Variants in COX18 observed in about 807,000 individuals in gnomAD.
COX18 encodes the protein cytochrome c oxidase assembly protein COX18, mitochondrial.
Under a neutral mutation model 38.0 loss-of-function variants are expected in COX18, and 45 were observed. The ratio of observed to expected loss-of-function variants is 1.18; its 90% confidence interval spans 0.93 to 1.52. COX18 has a LOEUF of 1.52. Ranked by LOEUF, COX18 falls within the 40% of genes most tolerant of loss-of-function variation. The probability of loss-of-function intolerance (pLI) is 0.00; values close to 1 mark genes in which losing one functional copy is unlikely to be tolerated. For synonymous variants in COX18, 177 were observed against 169.8 expected, an observed-to-expected ratio of 1.04 and a Z score of -0.33; for missense variants, 462 against 423.8, an observed-to-expected ratio of 1.09 and a Z score of -0.79.
At chr4:73,064,999 G>T in intron 3 of COX18, 97 bp from the exon 4 acceptor site, 1 of 1,210,496 alleles carries the variant, frequency 8.3e-7, no homozygotes, top group Non-Finnish European at 1.2e-6. Flanking sequence ...CCAATAAGGT[G>T]TCCCTCACAG....
chr4:73,060,539 T>C (rs1181126355), intron 5 of COX18, among the ~76,000 whole-genome samples: 1 of 152,146 alleles, frequency 6.6e-6, no homozygotes, highest in African/African-American at 2.4e-5. Flanking sequence ...AGTAACAGCC[T>C]AAAAAATAGA....
chr4:73,065,716 A>G (rs1297140601), intron 2 of COX18, among the ~76,000 whole-genome samples: 1 of 152,228 alleles, frequency 6.6e-6, no homozygotes, highest in African/African-American at 2.4e-5. Flanking sequence ...CTGACATGGT[A>G]TAACTACAAT....
chr4:73,062,046 C>A (rs1037604719), intron 4 of COX18, 126 bp from the exon 5 acceptor site: 1 of 573,312 alleles, frequency 1.7e-6, no homozygotes, highest in African/African-American at 1.9e-5. Flanking sequence ...TATATATATA[C>A]ACACAAAACA....
chr4:73,061,937 T>G lies in COX18; in HGVS notation c.724-17A>C, dbSNP rs1213350854. 4.0e-6 allele frequency: 5 copies of G among 1,251,284 alleles called. No individual in the cohort carries two copies. The African/African-American group carries it at 4.5e-5, about 11-fold the overall frequency. The allele number at this position is 1,251,284 out of a possible 1,614,324, so 77.5% of individuals were successfully genotyped here. The stretch of plus-strand genomic sequence containing the variant: ...AGCACAAATCTGAAGGGGTAGAACA[T>G]ATACATGCATAATGATTATTAAAAC... On this transcript the variant is annotated splice_polypyrimidine_tract_variant and intron_variant, in intron 4 of 5. Transcript: ENST00000507544.
Position 73,054,922 on chromosome 4 carries a change from T to G in COX18, c.*3192A>C, listed in dbSNP as rs1391594062. The G allele has an allele frequency of 1.3e-5, 2 of 152,210 alleles. No homozygotes were observed. Among genetic ancestry groups the G allele is most frequent in the Non-Finnish European group, 2.9e-5 (2 of 68,026 alleles). The allele number at this position is 152,210 out of a possible 1,614,324, so 9.4% of individuals were successfully genotyped here. A position where few individuals can be genotyped will look rare whatever the true frequency, so the allele number is the denominator to read the frequency against. On this transcript the variant is annotated 3_prime_UTR_variant, in exon 6 of 6. Coordinates refer to ENST00000507544, the MANE Select transcript of COX18 (RefSeq NM_001297732.2). ...TGAGCATACAAAAGACACTTAACTCTGCAGATTCCGCTGGATGTCAGGGAT... is the reference window on the plus strand; with the variant it reads ...TGAGCATACAAAAGACACTTAACTCGGCAGATTCCGCTGGATGTCAGGGAT...
chr4:73,063,105 G>C (rs1255424262), intron 4 of COX18, among the ~76,000 whole-genome samples: 3 of 152,104 alleles, frequency 2.0e-5, no homozygotes, highest in South Asian at 2.1e-4. Context: ...AGGAGTTCCA[G>C]ACCAGCCTGG....
rs1281689301 is a variant in COX18, at chr4:73,055,630, T to C, written c.*2484A>G. The C allele has an allele frequency of 6.6e-6, 1 of 152,146 alleles. No individual in the cohort carries two copies. The allele number at this position is 152,146 out of a possible 1,614,324, so 9.4% of individuals were successfully genotyped here. ...GAAATTAGGAAGAGATGGGACTAAG[T>C]AGACTCAAAAAGGATACATGTTTAC... On this transcript the variant is annotated 3_prime_UTR_variant, in exon 6 of 6. Transcript: ENST00000507544.
In COX18 at chr4:73,061,884, G is replaced by A. The variant is rs544402662; in HGVS notation, c.760C>T (p.Gln254Ter). ...CGGACAAAGTACGTAATATACGTCT[G>A]AAAACGAGACATTCCAATTTTTTGT... ...ALQKIGMSRF[Q>*]TYITYFVRAM... The change falls in exon 5 of 6, where the codon CAG becomes TAG. Residue 254 changes from glutamine to a stop codon, truncating the protein, a stop_gained. Transcript: ENST00000507544. LOFTEE classifies it high-confidence loss of function. 3 of 1,613,274 alleles carry A rather than the reference G, an allele frequency of 1.9e-6. No homozygotes were observed. The highest frequency in any genetic ancestry group is 2.2e-5 in the East Asian group (1 of 44,882).
At chr4:73,066,665 C>T (rs1017327196) in intron 2 of COX18, among the ~76,000 whole-genome samples, 2 of 152,218 alleles carry the variant, frequency 1.3e-5, no homozygotes, top group Non-Finnish European at 2.9e-5. Flanking sequence ...CAAGTCTTAT[C>T]TAGGCTGCGT....
chr4:73,069,592 C>T lies in COX18; in HGVS notation c.58G>A (p.Ala20Thr). 1 of 1,558,938 alleles carries T rather than the reference C, an allele frequency of 6.4e-7. No homozygotes were observed. Among genetic ancestry groups the T allele is most frequent in the Non-Finnish European group, 8.7e-7 (1 of 1,154,054 alleles). The change falls in exon 1 of 6, where the codon GCT (alanine) becomes ACT (threonine). Residue 20 changes from alanine to threonine, a missense_variant. By Grantham distance (58) the Ala-to-Thr change is moderately conservative. Transcript: ENST00000507544. ...ACCGGCGCAAGCGGCAGGTCCCTAG[C>T]CCAAAGCTGCAGGGCAGGGAGCGGC... ...LRPLPALQLWARDLPLAPVPT... is the reference protein window; with the variant it reads ...LRPLPALQLWTRDLPLAPVPT...
intron 4 of COX18, 31 bp downstream of exon 4, chr4:73,064,747 T>C (rs764384738): frequency 2.5e-6 from 4 of 1,606,280 alleles, no homozygotes; most frequent in Non-Finnish European, 3.4e-6. Flanking sequence ...TCCCCATAAA[T>C]GGCAAACAAA....
At chr4:73,065,172 CTTT>C (rs71215480) in intron 3 of COX18, 75 bp downstream of exon 3, 7,709 of 672,718 alleles carry the variant, frequency 0.011, 165 homozygotes, top group South Asian at 0.014. Flanking sequence ...GAAAAGTATG[CTTT>C]TTTTTTTTTT....
Position 73,067,864 on chromosome 4 carries a change from A to AAAATATATATATATATAT in COX18, c.434+164_434+165insATATATATATATATATTT. The stretch of plus-strand genomic sequence containing the variant: ...CTCAAAAAAAAAAAAAAAAAAAAAA[A>AAAATATATATATATATAT]ATATATATATATATATATATAAAAA... On this transcript the variant is annotated intron_variant, in intron 2 of 5. Coordinates refer to ENST00000507544, the MANE Select transcript of COX18 (RefSeq NM_001297732.2). Among the ~76,000 whole-genome samples, 7 of 20,018 alleles carry AAAATATATATATATATAT rather than the reference A, an allele frequency of 3.5e-4. 1 individual carries two copies. The highest frequency in any genetic ancestry group is 1.2e-3 in the Admixed American group (1 of 848). The allele number at this position is 20,018 out of a possible 152,430, so 13.1% of individuals were successfully genotyped here.
intron 5 of COX18, among the ~76,000 whole-genome samples, chr4:73,060,492 A>T (rs1405962587): frequency 6.6e-6 from 1 of 152,206 alleles, no homozygotes; most frequent in Non-Finnish European, 1.5e-5. Flanking sequence ...AGATGAACAA[A>T]CTTATTCTGC....
Position 73,061,902 on chromosome 4 carries a change from T to A in COX18, c.742A>T (p.Ile248Phe). 5.0e-6 allele frequency: 8 copies of A among 1,608,522 alleles called. No individual in the cohort carries two copies. Among genetic ancestry groups the A allele is most frequent in the Non-Finnish European group, 6.8e-6 (8 of 1,175,326 alleles). ...TACGTCTGAAAACGAGACATTCCAA[T>A]TTTTTGTAGAGCACAAATCTGAAGG... ...LIVEICALQKIGMSRFQTYIT... is the reference protein window; with the variant it reads ...LIVEICALQKFGMSRFQTYIT... The change falls in exon 5 of 6, where the codon ATT (isoleucine) becomes TTT (phenylalanine). Residue 248 changes from isoleucine (I) to phenylalanine (F), a missense_variant. By Grantham distance (21) the Ile-to-Phe change is conservative. Transcript: ENST00000507544.
chr4:73,057,998 T>C lies in COX18; in HGVS notation c.*116A>G. Reference sequence around the variant, plus strand: ...GGATTACATCTTAACCTACAATATTTCATGAAGTTAATGATTTTAAATAAA... The same window carrying C: ...GGATTACATCTTAACCTACAATATTCCATGAAGTTAATGATTTTAAATAAA... On this transcript the variant is annotated 3_prime_UTR_variant, in exon 6 of 6. Coordinates refer to ENST00000507544, the MANE Select transcript of COX18 (RefSeq NM_001297732.2). 1.3e-6 allele frequency: 1 copy of C among 767,080 alleles called. No individual in the cohort carries two copies. Among genetic ancestry groups the C allele is most frequent in the Non-Finnish European group, 2.1e-6 (1 of 472,546 alleles). The allele number at this position is 767,080 out of a possible 1,614,324, so 47.5% of individuals were successfully genotyped here.
chr4:73,064,756 A>G (rs1396605652), intron 4 of COX18, 22 bp downstream of exon 4: 2 of 1,608,890 alleles, frequency 1.2e-6, no homozygotes, highest in South Asian at 2.2e-5. Context: ...ATGGCAAACA[A>G]ATTTCATTTA....
chr4:73,069,685 A>G lies in COX18; in HGVS notation c.-36T>C. 1 of 1,531,332 alleles carries G rather than the reference A, an allele frequency of 6.5e-7. No individual in the cohort carries two copies. The highest frequency in any genetic ancestry group is 8.8e-7 in the Non-Finnish European group (1 of 1,142,470). 94.9% of individuals were successfully genotyped at this position (1,531,332 alleles called of 1,614,324 possible). ...CGGCGGAGCCCAGATCCCGGGCCTC[A>G]CAATCCAGCGGACATACACCGGCCA... On this transcript the variant is annotated 5_prime_UTR_variant, in exon 1 of 6. The change abolishes the stop of an existing upstream ORF in the 5' untranslated region. Coordinates refer to ENST00000507544, the MANE Select transcript of COX18 (RefSeq NM_001297732.2).
In COX18 at chr4:73,069,579, G is replaced by C; in HGVS notation, c.71C>G (p.Pro24Arg). ...PALQLWARDL[P>R]LAPVPTSGAK... ...GCCGCTCGTAGGAACCGGCGCAAGC[G>C]GCAGGTCCCTAGCCCAAAGCTGCAG... Residue 24 changes from proline (P) to arginine (R), a missense_variant, in exon 1 of 6, where the codon CCG becomes CGG. Pro to Arg is a moderately radical substitution (Grantham distance 103). Transcript: ENST00000507544. The C allele has an allele frequency of 6.4e-7, 1 of 1,561,388 alleles. No homozygotes were observed. Among genetic ancestry groups the C allele is most frequent in the Non-Finnish European group, 8.7e-7 (1 of 1,154,468 alleles).
Sources: allele counts gnomAD v4.1 joint callset (sites outside exome capture counted in the v4.1 genomes callset), GRCh38; gene constraint gnomAD v4.1.1; transcripts MANE v1.5; gene names NCBI Gene and HGNC (gene_info 2026-07-23, HGNC 2026-07-21).